Variants in HS3ST4 observed in about 807,000 individuals in gnomAD.
HS3ST4 encodes the protein heparan sulfate glucosamine 3-O-sulfotransferase 4.
In HS3ST4, 17 loss-of-function variants were observed where a neutral mutation model predicts 29.2. The observed-to-expected ratio is 0.58, with a 90% CI of 0.40 to 0.87. The LOEUF is 0.87. HS3ST4 is among the 40% of genes least tolerant of loss of function. The pLI is 0.00. For synonymous variants in HS3ST4, 314 were observed against 285.7 expected (o/e 1.10, Z -1.00); for missense variants, 627 against 634.5 (o/e 0.99, Z 0.13).
chr16:25,841,800 T>A (rs1404894999), intron 1 of HS3ST4, among the ~76,000 whole-genome samples: 1 of 152,166 alleles, frequency 6.6e-6, no homozygotes, highest in African/African-American at 2.4e-5. Flanking sequence ...TGGAGACTAT[T>A]GCTTCAATAT....
chr16:25,994,030 G>T (rs1247782643), intron 1 of HS3ST4, among the ~76,000 whole-genome samples: 4 of 150,526 alleles, frequency 2.7e-5, no homozygotes, highest in African/African-American at 9.8e-5. Context: ...GAGAGAGAGA[G>T]AATCTGTCTT....
At chr16:25,752,790 T>G (rs531456270) in intron 1 of HS3ST4, among the ~76,000 whole-genome samples, 1 of 152,340 alleles carries the variant, frequency 6.6e-6, no homozygotes, top group South Asian at 2.1e-4. Context: ...CATACTGTAC[T>G]TTAATATCTG....
chr16:25,917,905 C>T (rs1968308025), intron 1 of HS3ST4, among the ~76,000 whole-genome samples: 1 of 152,074 alleles, frequency 6.6e-6, no homozygotes, highest in African/African-American at 2.4e-5. Context: ...AGCTAAGAAA[C>T]AGAGACTTGT....
At chr16:26,125,108 A>C (rs1397561127) in intron 1 of HS3ST4, among the ~76,000 whole-genome samples, 1 of 152,200 alleles carries the variant, frequency 6.6e-6, no homozygotes, top group Non-Finnish European at 1.5e-5. Flanking sequence ...ATCTATTCTC[A>C]TATTCTCTCT....
intron 1 of HS3ST4, among the ~76,000 whole-genome samples, chr16:25,809,523 A>G (rs1212102236): frequency 6.6e-6 from 1 of 152,130 alleles, no homozygotes; most frequent in Non-Finnish European, 1.5e-5. Context: ...AGATAATAAA[A>G]TGGTTTGAAA....
rs558489574 is a variant in HS3ST4 at position 25,760,575 on chromosome 16, C to T, written c.734+67424C>T. Among the ~76,000 whole-genome samples, 302 of 152,172 alleles carry T rather than the reference C, an allele frequency of 2.0e-3. 3 individuals are homozygous for T. The highest frequency in any genetic ancestry group is 7.0e-3 in the African/African-American group (289 of 41,526). On this transcript the variant is annotated intron_variant, in intron 1 of 1. Coordinates refer to ENST00000331351, the MANE Select transcript of HS3ST4 (RefSeq NM_006040.3). Reference sequence around the variant, plus strand: ...CTAGGATTACAGGCACCTGCCACCACACCTAGCTAATTTTTGTATTTTTAG... The same window carrying T: ...CTAGGATTACAGGCACCTGCCACCATACCTAGCTAATTTTTGTATTTTTAG...
chr16:25,939,090 T>TTAACCACTATTAAATGCA (rs1261920463), intron 1 of HS3ST4, among the ~76,000 whole-genome samples: 5 of 152,030 alleles, frequency 3.3e-5, no homozygotes, highest in African/African-American at 1.2e-4. Context: ...TATTAATTGT[T>TTAACCACTATTAAATGCA]TGGCTGGTAG....
intron 1 of HS3ST4, among the ~76,000 whole-genome samples, chr16:25,945,338 A>G (rs9923017): frequency 0.22 from 33,093 of 151,976 alleles, 4,342 homozygotes; most frequent in East Asian, 0.35. Context: ...ATGTTAATGC[A>G]TTTTTCATGA....
At chr16:25,831,609 T>A (rs56100084) in intron 1 of HS3ST4, among the ~76,000 whole-genome samples, 44,032 of 151,318 alleles carry the variant, frequency 0.29, 7,373 homozygotes, top group East Asian at 0.47. Context: ...AAAATAAAAA[T>A]AAAGATAAAA....
chr16:25,762,732 A>AC (rs1966795788), intron 1 of HS3ST4, among the ~76,000 whole-genome samples: 1 of 151,404 alleles, frequency 6.6e-6, no homozygotes, highest in African/African-American at 2.4e-5. Flanking sequence ...AAACAAACAA[A>AC]AAAACCACCC....
rs528390721 is a variant in HS3ST4, at chr16:25,767,409, G to A, written c.734+74258G>A. Among the ~76,000 whole-genome samples the A allele has an allele frequency of 4.6e-5, 7 of 152,208 alleles. No homozygotes were observed. The East Asian group carries it at 9.7e-4, about 21-fold the overall frequency. ...GGTGGGAATATTGTGAACCCTAAGC[G>A]AATATGTCTCCTCGGGGGGTGGCTG... On this transcript the variant is annotated intron_variant, in intron 1 of 1. Transcript: ENST00000331351.
intron 1 of HS3ST4, among the ~76,000 whole-genome samples, chr16:25,785,445 T>C (rs1004422681): frequency 6.6e-6 from 1 of 152,220 alleles, no homozygotes; most frequent in Non-Finnish European, 1.5e-5. Flanking sequence ...TTGTTGTCTG[T>C]TAATTCAGGA....
intron 1 of HS3ST4, among the ~76,000 whole-genome samples, chr16:25,981,779 A>G (rs1198491298): frequency 6.6e-6 from 1 of 152,196 alleles, no homozygotes; most frequent in African/African-American, 2.4e-5. Context: ...TAGTCACTCA[A>G]TAAAGACTTG....
chr16:25,957,224 A>G (rs917965203), intron 1 of HS3ST4, among the ~76,000 whole-genome samples: 2 of 148,008 alleles, frequency 1.4e-5, no homozygotes, highest in Admixed American at 6.8e-5. Flanking sequence ...TTTAGAAAAA[A>G]CCTCCCCCAT....
At chr16:25,714,720 C>T (rs1966440257) in intron 1 of HS3ST4, among the ~76,000 whole-genome samples, 1 of 152,180 alleles carries the variant, frequency 6.6e-6, no homozygotes, top group African/African-American at 2.4e-5. Context: ...GAACACTTTT[C>T]CCTGACATGG....
At chr16:25,737,287 G>A (rs936640555) in intron 1 of HS3ST4, among the ~76,000 whole-genome samples, 11 of 152,122 alleles carry the variant, frequency 7.2e-5, no homozygotes, top group African/African-American at 2.2e-4. Flanking sequence ...CTTGGCCAGT[G>A]GTGATACTTG....
At chr16:25,753,122 A>G (rs866475999) in intron 1 of HS3ST4, among the ~76,000 whole-genome samples, 4 of 152,338 alleles carry the variant, frequency 2.6e-5, no homozygotes, top group African/African-American at 9.6e-5. Context: ...AAGTCAGTCT[A>G]TAAATAAGAG....
intron 1 of HS3ST4, among the ~76,000 whole-genome samples, chr16:26,106,283 C>T (rs904599612): frequency 5.9e-5 from 9 of 152,286 alleles, no homozygotes; most frequent in Admixed American, 2.0e-4. Flanking sequence ...CTCACAAGAC[C>T]GTCATCCTGG....
At chr16:25,797,641 CTG>C (rs780564339) in intron 1 of HS3ST4, among the ~76,000 whole-genome samples, 3 of 152,170 alleles carry the variant, frequency 2.0e-5, no homozygotes, top group Non-Finnish European at 4.4e-5. Context: ...GAAGCTTCCT[CTG>C]TAATAATCAA....
Sources: gnomAD v4.1 joint callset for allele counts (sites outside exome capture counted in the v4.1 genomes callset) on GRCh38, gnomAD v4.1.1 for gene constraint, MANE v1.5 for transcripts, NCBI Gene and HGNC (gene_info 2026-07-23, HGNC 2026-07-21) for gene names.